Variants in EXOSC8 observed in about 807,000 individuals in gnomAD.
EXOSC8 encodes exosome component 8.
A neutral mutation model predicts 39.9 loss-of-function variants in EXOSC8; 37 were observed. That is an observed-to-expected ratio of 0.93 (90% confidence interval 0.71 to 1.22). The LOEUF is 1.22. Ranked by LOEUF, EXOSC8 falls within the 50% of genes most tolerant of loss-of-function variation. The probability of loss-of-function intolerance (pLI) is 0.00; values close to 1 mark genes in which losing one functional copy is unlikely to be tolerated. For missense variants in EXOSC8, 313 were observed against 326.6 expected (o/e 0.96, Z 0.32); for synonymous variants, 93 against 109.5 (o/e 0.85, Z 0.94).
intron 5 of EXOSC8, 35 bp from the exon 6 acceptor site, chr13:37,005,885 A>G (rs2059135390): frequency 7.6e-6 from 6 of 785,296 alleles, no homozygotes; most frequent in Admixed American, 2.4e-5. Flanking sequence ...AAAAAAAAAA[A>G]GGTTTAGTTC....
At position 37,002,288 on chromosome 13, in the gene EXOSC8, G is replaced by A. The variant is rs1228017614; in HGVS notation, c.33G>A (p.Leu11=). 3 of 1,609,100 alleles carry A rather than the reference G, an allele frequency of 1.9e-6. No homozygotes were observed. Among genetic ancestry groups the A allele is most frequent in the African/African-American group, 1.3e-5 (1 of 74,794 alleles). The part of the protein sequence containing the change: MAAGFKTVEP[L]EYYRRFLKEN... ...CGTGTTTCAGAACCGTGGAACCTCT[G>A]GAGTATTACAGGAGATTTCTGGTGA... The change falls in exon 2 of 11, where the codon CTG becomes CTA. Residue 11 remains leucine (L), a synonymous_variant. Coordinates refer to ENST00000389704, the MANE Select transcript of EXOSC8 (RefSeq NM_181503.3).
At chr13:37,008,894 A>T in intron 10 of EXOSC8, 59 bp downstream of exon 10, 1 of 1,100,880 alleles carries the variant, frequency 9.1e-7, no homozygotes. Context: ...TGTGAGCCTT[A>T]AATTAGGGAG....
At chr13:37,007,225 C>CT (rs1356847653) in intron 8 of EXOSC8, among the ~76,000 whole-genome samples, 154 bp downstream of exon 8, 2 of 152,180 alleles carry the variant, frequency 1.3e-5, no homozygotes, top group African/African-American at 4.8e-5. Context: ...TGTATATTCT[C>CT]TAACTGAATG....
At position 37,005,982 on chromosome 13, in the gene EXOSC8, G is replaced by T; in HGVS notation, c.301G>T (p.Glu101Ter). Reference protein sequence around the residue: ...SRFRSGPPGEEAQVASQFIAD... With the variant: ...SRFRSGPPGE ...ATTCCGGTCTGGACCTCCTGGAGAA[G>T]AGGCCCAAGTGGCTAGCCAGTTCAT... is the stretch of plus-strand genomic sequence containing the variant. The change falls in exon 6 of 11, where the codon GAG becomes TAG. Residue 101 changes from glutamate (E) to a stop codon, truncating the protein, a stop_gained. Coordinates refer to ENST00000389704, the MANE Select transcript of EXOSC8 (RefSeq NM_181503.3). LOFTEE classifies it high-confidence loss of function. The T allele has an allele frequency of 6.2e-7, 1 of 1,612,734 alleles. No homozygotes were observed. Among genetic ancestry groups the T allele is most frequent in the Non-Finnish European group, 8.5e-7 (1 of 1,179,164 alleles).
At chr13:37,004,369 T>C (rs890997712) in intron 4 of EXOSC8, 147 bp from the exon 5 acceptor site, 2 of 611,254 alleles carry the variant, frequency 3.3e-6, no homozygotes, top group Non-Finnish European at 2.9e-6. Context: ...GTAGAGCTAT[T>C]GTGAGGATCA....
chr13:37,007,082 T>G lies in EXOSC8; in HGVS notation c.487+11T>G, dbSNP rs1362751835. The stretch of plus-strand genomic sequence containing the variant: ...CGGCTTTAAAAAATGGTAAGCAGCC[T>G]TACAAAAAAGGCAATATTCCCACTC... On this transcript the variant is annotated intron_variant, in intron 8 of 10. Transcript: ENST00000389704. 2 of 1,578,150 alleles carry G rather than the reference T, an allele frequency of 1.3e-6. No individual in the cohort carries two copies. The highest frequency in any genetic ancestry group is 2.2e-5 in the East Asian group (1 of 44,716).
At chr13:37,007,422 CTGT>C (rs1422338482) in intron 8 of EXOSC8, among the ~76,000 whole-genome samples, 1 of 152,106 alleles carries the variant, frequency 6.6e-6, no homozygotes, top group Non-Finnish European at 1.5e-5. Flanking sequence ...AGAATGGATT[CTGT>C]TGTTTTTACT....
chr13:37,008,137 A>G lies in EXOSC8; in HGVS notation c.568A>G (p.Arg190Gly). 1 of 1,597,528 alleles carries G rather than the reference A, an allele frequency of 6.3e-7. No homozygotes were observed. Among genetic ancestry groups the G allele is most frequent in the Non-Finnish European group, 8.5e-7 (1 of 1,173,234 alleles). The stretch of plus-strand genomic sequence containing the variant: ...AAAGAAGAAAAGTTATTTGAATATT[A>G]GAACTCATCCAGTTGCAACTTCCTT... Reference protein sequence around the residue: ...NLKKKSYLNIRTHPVATSFAV... With the variant: ...NLKKKSYLNIGTHPVATSFAV... Residue 190 changes from arginine to glycine, a missense_variant, in exon 9 of 11, where the codon AGA becomes GGA. Transcript: ENST00000389704.
At position 37,009,592 on chromosome 13, in the gene EXOSC8, AAAAAC is replaced by A. The variant is rs746928009; in HGVS notation, c.*298_*302del. On this transcript the variant is annotated 3_prime_UTR_variant, in exon 11 of 11. Coordinates refer to ENST00000389704, the MANE Select transcript of EXOSC8 (RefSeq NM_181503.3). ...CAATGTAAAATACTGACACATTAAA[AAAAAC>A]AAAAAGTAGAAACTCAATTCTTTTG... The A allele has an allele frequency of 7.8e-5, 123 of 1,568,430 alleles. No individual in the cohort carries two copies. The highest frequency in any genetic ancestry group is 1.0e-4 in the Non-Finnish European group (116 of 1,140,204).
At chr13:37,006,929 C>A in intron 7 of EXOSC8, 46 bp from the exon 8 acceptor site, 1 of 1,148,908 alleles carries the variant, frequency 8.7e-7, no homozygotes, top group Non-Finnish European at 1.3e-6. Context: ...GCATGTTCTA[C>A]CCATTAGAAG....
At chr13:37,002,065 C>T (rs949274737) in intron 1 of EXOSC8, among the ~76,000 whole-genome samples, 3 of 152,114 alleles carry the variant, frequency 2.0e-5, no homozygotes, top group Admixed American at 6.5e-5. Flanking sequence ...GGCTTTTAGA[C>T]GCCAATCTTC....
At chr13:37,008,679 A>G (rs1381989779) in intron 9 of EXOSC8, 50 bp from the exon 10 acceptor site, 2 of 1,168,308 alleles carry the variant, frequency 1.7e-6, no homozygotes, top group Non-Finnish European at 2.5e-6. Flanking sequence ...AGTATTTTAA[A>G]GTAAAATTTG....
In EXOSC8 at chr13:37,006,096, T is replaced by C; in HGVS notation, c.345-19T>C. ...GTTTTGGGCTTTTCATTTACTTTGC[T>C]CTTTGTCATTAAATCAAGTTCACAG... On this transcript the variant is annotated intron_variant, in intron 6 of 10. Coordinates refer to ENST00000389704, the MANE Select transcript of EXOSC8 (RefSeq NM_181503.3). 1 of 1,606,626 alleles carries C rather than the reference T, an allele frequency of 6.2e-7. No individual in the cohort carries two copies. Among genetic ancestry groups the C allele is most frequent in the Non-Finnish European group, 8.5e-7 (1 of 1,173,854 alleles).
At chr13:37,002,119 G>A (rs1166112142) in intron 1 of EXOSC8, 154 bp from the exon 2 acceptor site, 2 of 553,420 alleles carry the variant, frequency 3.6e-6, no homozygotes, top group Non-Finnish European at 6.5e-6. Context: ...GAATGTGATT[G>A]CTACTACAAG....
chr13:37,002,873 A>C (rs983402870), intron 3 of EXOSC8, 61 bp from the exon 4 acceptor site: 6 of 1,087,736 alleles, frequency 5.5e-6, no homozygotes, highest in Non-Finnish European at 8.5e-6. Flanking sequence ...TTTAATTATT[A>C]TGTGGATAAT....
intron 4 of EXOSC8, chr13:37,003,345 A>G (rs1200208965): frequency 4.9e-6 from 1 of 202,296 alleles, no homozygotes; most frequent in Non-Finnish European, 9.9e-6. Context: ...GAAAATTGAA[A>G]TTGTTGAAAA....
At chr13:37,002,419 A>G in intron 2 of EXOSC8, 69 bp from the exon 3 acceptor site, 1 of 1,345,176 alleles carries the variant, frequency 7.4e-7, no homozygotes, top group Non-Finnish European at 1.1e-6. Context: ...ATGTGTGTGT[A>G]AAACTTGTGA....
intron 8 of EXOSC8, 122 bp downstream of exon 8, chr13:37,007,193 C>A: frequency 1.4e-6 from 1 of 703,490 alleles, no homozygotes; most frequent in Non-Finnish European, 2.6e-6. Context: ...GCTGACATGA[C>A]TTTCCAAATA....
chr13:37,002,554 A>G lies in EXOSC8; in HGVS notation c.118+3A>G. 1 of 1,582,068 alleles carries G rather than the reference A, an allele frequency of 6.3e-7. No individual in the cohort carries two copies. The highest frequency in any genetic ancestry group is 2.3e-5 in the East Asian group (1 of 44,372). ...CAGAACCACAACTGTCAACATCGGT[A>G]AGGATGTATTTTCCACTTTCAACTG... On this transcript the variant is annotated splice_donor_region_variant and intron_variant, in intron 3 of 10. Transcript: ENST00000389704.
Sources: allele counts gnomAD v4.1 joint callset (sites outside exome capture counted in the v4.1 genomes callset), GRCh38; gene constraint gnomAD v4.1.1; transcripts MANE v1.5; gene names NCBI Gene and HGNC (gene_info 2026-07-23, HGNC 2026-07-21).